Variants in ADAMTS10 observed in about 807,000 individuals in gnomAD.
ADAMTS10 encodes the protein A disintegrin and metalloproteinase with thrombospondin motifs 10.
A neutral mutation model predicts 135.9 loss-of-function variants in ADAMTS10; 48 were observed. The ratio of observed to expected loss-of-function variants is 0.35; its 90% CI spans 0.28 to 0.45. ADAMTS10 has a LOEUF of 0.45. Among genes scored for constraint, ADAMTS10 ranks in the 20% least tolerant of loss-of-function variants. ADAMTS10 has a pLI of 1.00. For missense variants in ADAMTS10, 1,131 were observed against 1,565.2 expected (o/e 0.72, Z 4.68); for synonymous variants, 621 against 647.5 (o/e 0.96, Z 0.62).
At chr19:8,599,798 C>T (rs76076530) in intron 6 of ADAMTS10, among the ~76,000 whole-genome samples, 5 of 151,840 alleles carry the variant, frequency 3.3e-5, no homozygotes, top group East Asian at 3.9e-4. Context: ...TTTGTAGAGA[C>T]GGGATTTCAC....
rs1555739063 is a variant in ADAMTS10, at chr19:8,591,957, C to G, written c.1733+1G>C. 1 of 1,613,128 alleles carries G rather than the reference C, an allele frequency of 6.2e-7. No homozygotes were observed. The highest frequency in any genetic ancestry group is 1.7e-5 in the Admixed American group (1 of 60,000). On this transcript the variant is annotated splice_donor_variant, in intron 14 of 25. Coordinates refer to ENST00000597188, the MANE Select transcript of ADAMTS10 (RefSeq NM_030957.4). LOFTEE classifies it high-confidence loss of function. ...CCCGGGTGGGGGTCCTGAGGGCTGACCTGGGGCTGTCGCAGTGACGGCTAG... is the reference window on the plus strand; with the variant it reads ...CCCGGGTGGGGGTCCTGAGGGCTGAGCTGGGGCTGTCGCAGTGACGGCTAG...
At position 8,605,510 on chromosome 19, in the gene ADAMTS10, G is replaced by T; in HGVS notation, c.88+113C>A. The T allele has an allele frequency of 6.7e-7, 1 of 1,481,596 alleles. No homozygotes were observed. 91.8% of individuals were successfully genotyped at this position (1,481,596 alleles called of 1,614,324 possible). On this transcript the variant is annotated intron_variant, in intron 3 of 25. Coordinates refer to ENST00000597188, the MANE Select transcript of ADAMTS10 (RefSeq NM_030957.4). The surrounding 1 kb of genome is among the most constrained non-coding windows in gnomAD (Gnocchi z 7.7). ...AAGGCTCCCGCCTATTGACCCCAGG[G>T]CCTTCCCCCATTGACCCCCATCCCA...
intron 18 of ADAMTS10, among the ~76,000 whole-genome samples, chr19:8,587,552 G>A (rs2042454979): frequency 6.7e-6 from 1 of 148,620 alleles, no homozygotes; most frequent in Non-Finnish European, 1.5e-5. Context: ...CTGCAGCCTT[G>A]ACCTCCTGGG....
At position 8,585,502 on chromosome 19, in the gene ADAMTS10, T is replaced by A; in HGVS notation, c.2819A>T (p.His940Leu). The change falls in exon 23 of 26, where the codon CAC (histidine) becomes CTC (leucine). Residue 940 changes from histidine to leucine, a missense_variant. By Grantham distance (99) the His-to-Leu change is moderately conservative. Transcript: ENST00000597188. ...QPRPPVLEAC[H>L]GPTCPPEWAA... ...CCACTCCGGAGGGCAAGTGGGGCCG[T>A]GGCAGGCCTCCAGTACAGGTGGGCG... is the stretch of plus-strand genomic sequence containing the variant. The A allele has an allele frequency of 1.3e-6, 2 of 1,544,132 alleles. No homozygotes were observed. Among genetic ancestry groups the A allele is most frequent in the Non-Finnish European group, 1.7e-6 (2 of 1,142,854 alleles).
chr19:8,595,698 T>TGCCGACCCC, intron 12 of ADAMTS10, 64 bp downstream of exon 12: 3 of 1,291,948 alleles, frequency 2.3e-6, no homozygotes, highest in Non-Finnish European at 2.2e-6. Flanking sequence ...CTGGTGGAGT[T>TGCCGACCCC]CCCTCCCCCA....
rs2042606196 is a variant in ADAMTS10, at chr19:8,596,441, C to T, written c.1085-29G>A. On this transcript the variant is annotated intron_variant, in intron 9 of 25. Transcript: ENST00000597188. This position sits in a 1 kb window ranked among gnomAD's most constrained non-coding sequence, Gnocchi z 7.2. ...GGAAGACGGACATGTGGGGATGGGGCTGGGAGGCTCAGGACGGTGCTGGCT... is the reference window on the plus strand; with the variant it reads ...GGAAGACGGACATGTGGGGATGGGGTTGGGAGGCTCAGGACGGTGCTGGCT... 6.2e-7 allele frequency: 1 copy of T among 1,613,614 alleles called. No homozygotes were observed. Among genetic ancestry groups the T allele is most frequent in the Non-Finnish European group, 8.5e-7 (1 of 1,179,742 alleles).
At position 8,592,081 on chromosome 19, in the gene ADAMTS10, A is replaced by G. The variant is rs1555739115; in HGVS notation, c.1610T>C (p.Val537Ala). ...ACCCTCTGGGCGCGACCCAAAGGGGACACAGACCCGTTTGTAGCACCACTG... is the reference window on the plus strand; with the variant it reads ...ACCCTCTGGGCGCGACCCAAAGGGGGCACAGACCCGTTTGTAGCACCACTG... Reference protein sequence around the residue: ...DKGWCYKRVCVPFGSRPEGVD... With the variant: ...DKGWCYKRVCAPFGSRPEGVD... The change falls in exon 14 of 26, where the codon GTC becomes GCC. Residue 537 changes from valine (V) to alanine (A), a missense_variant. Val to Ala is a moderately conservative substitution (Grantham distance 64). This residue lies in a region of ADAMTS10 where 745 missense variants were observed against 1,056.3 expected (regional missense o/e 0.71). Coordinates refer to ENST00000597188, the MANE Select transcript of ADAMTS10 (RefSeq NM_030957.4). The G allele has an allele frequency of 2.5e-6, 4 of 1,613,712 alleles. No homozygotes were observed. The highest frequency in any genetic ancestry group is 3.4e-6 in the Non-Finnish European group (4 of 1,179,954).
rs1555742306 is a variant in ADAMTS10, at chr19:8,605,239, C to A, written c.208G>T (p.Ala70Ser). 1.5e-5 allele frequency: 24 copies of A among 1,613,246 alleles called. No homozygotes were observed. The highest frequency in any genetic ancestry group is 1.9e-5 in the Non-Finnish European group (23 of 1,179,642). ...TAGAAGAGGCGGGACTCGGCTGTGG[C>A]CCCCGTGCCGCGGCGCTGCCTCCGG... ...PPRRQRRGTG[A>S]TAESRLFYKV... is the part of the protein sequence containing the mutation. The change falls in exon 4 of 26, where the codon GCC becomes TCC. Residue 70 changes from alanine to serine, a missense_variant. Ala to Ser is a moderately conservative substitution (Grantham distance 99). Coordinates refer to ENST00000597188, the MANE Select transcript of ADAMTS10 (RefSeq NM_030957.4). The surrounding 1 kb of genome is among the most constrained non-coding windows in gnomAD (Gnocchi z 7.7).
chr19:8,610,463 C>T (rs1555743313), intron 1 of ADAMTS10, among the ~76,000 whole-genome samples, 181 bp downstream of exon 1: 1 of 148,778 alleles, frequency 6.7e-6, no homozygotes, highest in Non-Finnish European at 1.5e-5. Context: ...AACAAACCCA[C>T]GGCAACCCCG....
chr19:8,585,247 T>C lies in ADAMTS10; in HGVS notation c.2927A>G (p.His976Arg), dbSNP rs1555736640. The C allele has an allele frequency of 6.8e-7, 1 of 1,474,590 alleles. No homozygotes were observed. The highest frequency in any genetic ancestry group is 9.0e-7 in the Non-Finnish European group (1 of 1,110,848). 91.3% of individuals were successfully genotyped at this position (1,474,590 alleles called of 1,614,324 possible). ...HRVVLCKSADHRATLPPAHCS... is the reference protein window; with the variant it reads ...HRVVLCKSADRRATLPPAHCS... ...GTGCGCCGGGGGCAGCGTGGCGCGG[T>C]GGTCTGCGCTCTTGCAAAGGACCAC... The change falls in exon 24 of 26, where the codon CAC (histidine) becomes CGC (arginine). Residue 976 changes from histidine (H) to arginine (R), a missense_variant. Physicochemically the swap from His to Arg is conservative, Grantham distance 29 (BLOSUM62 0). Coordinates refer to ENST00000597188, the MANE Select transcript of ADAMTS10 (RefSeq NM_030957.4).
chr19:8,602,046 G>A (rs1315759668), intron 5 of ADAMTS10, among the ~76,000 whole-genome samples: 2 of 152,196 alleles, frequency 1.3e-5, no homozygotes, highest in Non-Finnish European at 2.9e-5. Flanking sequence ...TGGACAACGT[G>A]TTGTCCTTCT....
At chr19:8,589,825 C>G (rs1293519823) in intron 16 of ADAMTS10, 64 bp downstream of exon 16, 1 of 1,533,344 alleles carries the variant, frequency 6.5e-7, no homozygotes, top group Non-Finnish European at 9.0e-7. Context: ...ATTCATCCAC[C>G]TGCTGCTGGA....
intron 18 of ADAMTS10, 68 bp from the exon 19 acceptor site, chr19:8,586,964 C>T (rs1246487187): frequency 1.4e-5 from 21 of 1,525,366 alleles, no homozygotes; most frequent in Middle Eastern, 1.7e-4. Flanking sequence ...CCCCTGTCCC[C>T]GGCCCATGAG....
chr19:8,586,038 C>T, intron 22 of ADAMTS10, 84 bp downstream of exon 22: 1 of 1,604,490 alleles, frequency 6.2e-7, no homozygotes, highest in Non-Finnish European at 8.5e-7. Flanking sequence ...TAATCTGCTC[C>T]CCACCCCCCT....
At chr19:8,584,659 G>C (rs2042398904) in intron 25 of ADAMTS10, among the ~76,000 whole-genome samples, 1 of 152,144 alleles carries the variant, frequency 6.6e-6, no homozygotes, top group Admixed American at 6.6e-5. Flanking sequence ...GAAAGTGACT[G>C]GGGAAATGTC....
chr19:8,582,997 T>TAGTAA (rs1555736116), intron 25 of ADAMTS10, among the ~76,000 whole-genome samples: 1 of 151,994 alleles, frequency 6.6e-6, no homozygotes, highest in African/African-American at 2.4e-5. Flanking sequence ...TCTCTCAGGC[T>TAGTAA]GGTCTCCAAC....
intron 4 of ADAMTS10, among the ~76,000 whole-genome samples, chr19:8,604,446 TA>T (rs1331673689): frequency 3.2e-4 from 47 of 147,822 alleles, no homozygotes; most frequent in African/African-American, 1.1e-3. Flanking sequence ...TACACATATA[TA>T]ATTATATATT....
chr19:8,588,237 G>A lies in ADAMTS10; in HGVS notation c.2158+1005C>T, dbSNP rs111644244. Reference sequence around the variant, plus strand: ...CATTCTAGCCTGGGTGACAGATTGAGACTCTGTCTCAAAAAAAATTTTTTT... The same window carrying A: ...CATTCTAGCCTGGGTGACAGATTGAAACTCTGTCTCAAAAAAAATTTTTTT... On this transcript the variant is annotated intron_variant, in intron 18 of 25. Coordinates refer to ENST00000597188, the MANE Select transcript of ADAMTS10 (RefSeq NM_030957.4). Among the ~76,000 whole-genome samples, 206 of 152,096 alleles carry A rather than the reference G, an allele frequency of 1.4e-3. 2 individuals are homozygous for A. The highest frequency in any genetic ancestry group is 4.7e-3 in the African/African-American group (197 of 41,476).
In ADAMTS10 at chr19:8,585,325, C is replaced by T; in HGVS notation, c.2866-17G>A. 6.5e-7 allele frequency: 1 copy of T among 1,532,562 alleles called. No homozygotes were observed. The highest frequency in any genetic ancestry group is 8.8e-7 in the Non-Finnish European group (1 of 1,142,678). The allele number at this position is 1,532,562 out of a possible 1,614,324, so 94.9% of individuals were successfully genotyped here. Reference sequence around the variant, plus strand: ...GGGGGTGCACTGCAGTTGGAAGGGGCGTTTCGTGCTCAGGGTGCTGCCCCA... The same window carrying T: ...GGGGGTGCACTGCAGTTGGAAGGGGTGTTTCGTGCTCAGGGTGCTGCCCCA... On this transcript the variant is annotated splice_polypyrimidine_tract_variant and intron_variant, in intron 23 of 25. Coordinates refer to ENST00000597188, the MANE Select transcript of ADAMTS10 (RefSeq NM_030957.4).
Sources: gnomAD v4.1 joint callset for allele counts (sites outside exome capture counted in the v4.1 genomes callset) on GRCh38, gnomAD v4.1.1 for gene constraint, gnomAD v4.1.1 regional missense constraint, Gnocchi (gnomAD v3.1) non-coding constraint, MANE v1.5 for transcripts, NCBI Gene and HGNC (gene_info 2026-07-23, HGNC 2026-07-21) for gene names.